Variants in MOV10L1 observed in about 807,000 individuals in gnomAD.
The protein encoded by MOV10L1 is Mov10 like RNA helicase 1, also known as RNA helicase Mov10l1.
Under a neutral mutation model 143.8 loss-of-function variants are expected in MOV10L1, and 110 were observed. That is an observed-to-expected ratio of 0.76 (90% CI 0.66 to 0.90). The LOEUF (loss-of-function observed/expected upper bound fraction) is 0.90. Among genes scored for constraint, MOV10L1 ranks in the 40% least tolerant of loss-of-function variants. The probability of loss-of-function intolerance (pLI) is 0.00; values close to 1 mark genes in which losing one functional copy is unlikely to be tolerated. For synonymous variants in MOV10L1, 593 were observed against 581.1 expected (o/e 1.02, Z -0.29); for missense variants, 1,406 against 1,526.8 (o/e 0.92, Z 1.32).
chr22:50,125,613 A>G, intron 11 of MOV10L1, 44 bp downstream of exon 11: 1 of 1,572,736 alleles, frequency 6.4e-7, no homozygotes, highest in Non-Finnish European at 8.7e-7. Flanking sequence ...ACTAGCAGAG[A>G]AACCATACTT....
chr22:50,110,318 C>T (rs11703632), intron 5 of MOV10L1, among the ~76,000 whole-genome samples: 1 of 146,642 alleles, frequency 6.8e-6, no homozygotes, highest in Non-Finnish European at 1.5e-5. Context: ...GCGTGGTGGC[C>T]GGCGCCTGTA....
intron 12 of MOV10L1, among the ~76,000 whole-genome samples, chr22:50,128,136 G>C (rs6010180): frequency 5.0e-4 from 76 of 152,272 alleles, no homozygotes; most frequent in African/African-American, 1.8e-3. Context: ...TGTTTTGTTT[G>C]TGTCCTATGG....
chr22:50,116,914 C>T (rs1210677313), intron 8 of MOV10L1, among the ~76,000 whole-genome samples: 1 of 152,084 alleles, frequency 6.6e-6, no homozygotes. Context: ...CCTCAGTCTT[C>T]CAAAGTGCTG....
At chr22:50,115,052 C>T in intron 7 of MOV10L1, 62 bp from the exon 8 acceptor site, 3 of 1,501,018 alleles carry the variant, frequency 2.0e-6, no homozygotes, top group South Asian at 1.3e-5. Flanking sequence ...ACTAAGCATG[C>T]CAGCACTGTT....
At position 50,134,597 on chromosome 22, in the gene MOV10L1, C is replaced by T; in HGVS notation, c.2037C>T (p.Asp679=). 1 of 1,614,170 alleles carries T rather than the reference C, an allele frequency of 6.2e-7. No homozygotes were observed. The highest frequency in any genetic ancestry group is 8.5e-7 in the Non-Finnish European group (1 of 1,180,024). The part of the protein sequence containing the change: ...QVTGNWNHAQ[D]TKSSGQSTSK... Reference sequence around the variant, plus strand: ...CGGGAAATTGGAACCATGCACAAGACACCAAAAGCAGTGGACAGTCCACCA... The same window carrying T: ...CGGGAAATTGGAACCATGCACAAGATACCAAAAGCAGTGGACAGTCCACCA... The change falls in exon 15 of 27, where the codon GAC becomes GAT. Residue 679 remains aspartate, a synonymous_variant. Transcript: ENST00000262794.
At chr22:50,120,791 C>CA (rs2062318315) in intron 10 of MOV10L1, among the ~76,000 whole-genome samples, 175 bp downstream of exon 10, 1 of 152,202 alleles carries the variant, frequency 6.6e-6, no homozygotes, top group South Asian at 2.1e-4. Context: ...CCATAGCACT[C>CA]ACGCTGCCAG....
At chr22:50,139,428 A>G (rs2062919911) in intron 15 of MOV10L1, among the ~76,000 whole-genome samples, 1 of 152,002 alleles carries the variant, frequency 6.6e-6, no homozygotes, top group African/African-American at 2.4e-5. Flanking sequence ...ACATTGTTAG[A>G]CAGTAAGGTA....
At chr22:50,132,148 T>G (rs2062696568) in intron 13 of MOV10L1, among the ~76,000 whole-genome samples, 1 of 152,146 alleles carries the variant, frequency 6.6e-6, no homozygotes, top group African/African-American at 2.4e-5. Context: ...CCCAGTAACA[T>G]CACATTGGGG....
At chr22:50,101,162 C>T (rs2061735001) in intron 3 of MOV10L1, among the ~76,000 whole-genome samples, 1 of 152,088 alleles carries the variant, frequency 6.6e-6, no homozygotes, top group Non-Finnish European at 1.5e-5. Flanking sequence ...GTAGCTCTGC[C>T]CACCAGGAAG....
chr22:50,149,142 C>A (rs1018777981), intron 19 of MOV10L1, among the ~76,000 whole-genome samples: 5 of 152,250 alleles, frequency 3.3e-5, no homozygotes, highest in Admixed American at 6.5e-5. Flanking sequence ...GGCCTGTTCT[C>A]AGCGCTTTAC....
At chr22:50,150,983 C>T in intron 21 of MOV10L1, 84 bp downstream of exon 21, 5 of 1,535,814 alleles carry the variant, frequency 3.3e-6, no homozygotes, top group Non-Finnish European at 4.4e-6. Context: ...CTCTTCTGTC[C>T]ACCTGAGTCA....
At chr22:50,090,852 T>C (rs1197591424) in intron 1 of MOV10L1, 1 of 288,204 alleles carries the variant, frequency 3.5e-6, no homozygotes, top group Admixed American at 4.7e-5. Context: ...AATTTTTGTA[T>C]TTTTAGTCGA....
chr22:50,149,524 G>A (rs779964643), intron 19 of MOV10L1, 91 bp from the exon 20 acceptor site: 5 of 1,285,930 alleles, frequency 3.9e-6, no homozygotes, highest in Non-Finnish European at 5.5e-6. Context: ...TGTGCCCCCG[G>A]GGTGCTGAGC....
chr22:50,135,904 A>G (rs1297380562), intron 15 of MOV10L1, among the ~76,000 whole-genome samples: 1 of 152,198 alleles, frequency 6.6e-6, no homozygotes, highest in Non-Finnish European at 1.5e-5. Context: ...GTAACAAGAA[A>G]ATCATCTGTG....
chr22:50,105,188 C>G (rs571179272), intron 3 of MOV10L1, among the ~76,000 whole-genome samples: 4 of 152,272 alleles, frequency 2.6e-5, no homozygotes, highest in South Asian at 2.1e-4. Flanking sequence ...GTTGACAATT[C>G]TGTATTTTTT....
intron 12 of MOV10L1, among the ~76,000 whole-genome samples, chr22:50,126,878 G>A (rs2062522502): frequency 1.3e-5 from 2 of 152,210 alleles, no homozygotes; most frequent in African/African-American, 4.8e-5. Context: ...AGAACTAGAA[G>A]AGCCTGATAA....
chr22:50,107,165 C>T (rs1351825539), intron 3 of MOV10L1, among the ~76,000 whole-genome samples: 4 of 151,562 alleles, frequency 2.6e-5, no homozygotes, highest in Non-Finnish European at 5.9e-5. Context: ...AACTCCACCT[C>T]CCGGGTTCAC....
intron 3 of MOV10L1, among the ~76,000 whole-genome samples, chr22:50,104,440 G>A (rs1023227746): frequency 2.0e-4 from 31 of 152,338 alleles, no homozygotes; most frequent in African/African-American, 7.5e-4. Context: ...GTGCCCTTTG[G>A]AGGCGTCTGT....
rs1247641460 is a variant in MOV10L1, at chr22:50,090,172, C to T, written c.84C>T (p.Pro28=). 1 of 1,419,904 alleles carries T rather than the reference C, an allele frequency of 7.0e-7. No homozygotes were observed. The highest frequency in any genetic ancestry group is 9.2e-7 in the Non-Finnish European group (1 of 1,088,712). The allele number at this position is 1,419,904 out of a possible 1,614,324, so 88.0% of individuals were successfully genotyped here. A position where few individuals can be genotyped will look rare whatever the true frequency, so the allele number is the denominator to read the frequency against. The change falls in exon 1 of 27, where the codon CCC becomes CCT. Residue 28 remains proline (P), a synonymous_variant. Coordinates refer to ENST00000262794, the MANE Select transcript of MOV10L1 (RefSeq NM_018995.3). Reference sequence around the variant, plus strand: ...GGGAGGAAGCCGGGCAGCTGGAGCCCGAGCTCGCGGAAGGTGGCTCGCGGG... The same window carrying T: ...GGGAGGAAGCCGGGCAGCTGGAGCCTGAGCTCGCGGAAGGTGGCTCGCGGG... ...TPREEAGQLE[P]ELAEGDTKLK... is the part of the protein sequence containing the mutation.
Sources: allele counts gnomAD v4.1 joint callset (sites outside exome capture counted in the v4.1 genomes callset), GRCh38; gene constraint gnomAD v4.1.1; transcripts MANE v1.5; gene names NCBI Gene and HGNC (gene_info 2026-07-23, HGNC 2026-07-21).